Variants in MAP3K20 observed in about 807,000 individuals in gnomAD.
The protein encoded by MAP3K20 is mitogen-activated protein kinase kinase kinase 20.
MAP3K20 carries 40 observed loss-of-function variants against 85.7 expected under a neutral mutation model. The ratio of observed to expected loss-of-function variants is 0.47; its 90% confidence interval spans 0.36 to 0.61. The LOEUF (loss-of-function observed/expected upper bound fraction) is 0.61, where lower values mean the gene tolerates loss of function less well. Ranked by LOEUF, MAP3K20 falls within the 20% of genes least tolerant of loss-of-function variation. MAP3K20 has a pLI of 0.00. For missense variants in MAP3K20, 817 were observed against 961.7 expected (o/e 0.85, Z 1.99); for synonymous variants, 325 against 327.7 (o/e 0.99, Z 0.09).
intron 1 of MAP3K20, chr2:173,090,541 G>A (rs1376767267): frequency 5.9e-6 from 5 of 846,296 alleles, no homozygotes; most frequent in African/African-American, 1.8e-5. Flanking sequence ...CAGGATGCTC[G>A]GTGGCTTAGG....
intron 2 of MAP3K20, among the ~76,000 whole-genome samples, chr2:173,161,233 G>A (rs896290406): frequency 2.6e-5 from 4 of 152,246 alleles, no homozygotes; most frequent in African/African-American, 9.6e-5. Flanking sequence ...AAGTGCAGCT[G>A]TCCAAATCCT....
At chr2:173,250,346 TGTG>T (rs1403324757) in intron 16 of MAP3K20, among the ~76,000 whole-genome samples, 1 of 152,206 alleles carries the variant, frequency 6.6e-6, no homozygotes, top group African/African-American at 2.4e-5. Flanking sequence ...TCGACTGACA[TGTG>T]GTGGTTTAGT....
chr2:173,087,401 C>T (rs764332684), intron 1 of MAP3K20, among the ~76,000 whole-genome samples: 29 of 152,150 alleles, frequency 1.9e-4, no homozygotes, highest in Non-Finnish European at 3.1e-4. Context: ...GAAGTGCAGG[C>T]AGTTCCTCGT....
intron 11 of MAP3K20, chr2:173,222,353 C>A: frequency 1.0e-6 from 1 of 985,830 alleles, no homozygotes; most frequent in Non-Finnish European, 1.2e-6. Flanking sequence ...AAAGTAAAGC[C>A]TGAGCAGTGT....
At chr2:173,256,512 GATAGATAGATAGATAGA>G (rs1685164655) in intron 16 of MAP3K20, among the ~76,000 whole-genome samples, 1 of 150,494 alleles carries the variant, frequency 6.6e-6, no homozygotes, top group African/African-American at 2.5e-5. Context: ...TAGATAGATA[GATAGATAGATAGATAGA>G]TAGACAGACA....
At chr2:173,259,198 G>A (rs1238532175) in intron 17 of MAP3K20, among the ~76,000 whole-genome samples, 1 of 152,060 alleles carries the variant, frequency 6.6e-6, no homozygotes, top group African/African-American at 2.4e-5. Context: ...TCTTGGTTGA[G>A]GTCAATTTCC....
At chr2:173,210,673 T>C (rs1372410273) in intron 10 of MAP3K20, 1 of 152,218 alleles carries the variant, frequency 6.6e-6, no homozygotes, top group East Asian at 1.9e-4. Context: ...TGCATGACTA[T>C]AAATAGCATG....
intron 4 of MAP3K20, among the ~76,000 whole-genome samples, chr2:173,183,391 T>G (rs1248761379): frequency 6.6e-6 from 1 of 152,126 alleles, no homozygotes; most frequent in Non-Finnish European, 1.5e-5. Flanking sequence ...TAGAAACCAC[T>G]TGCAAAAAAA....
intron 11 of MAP3K20, chr2:173,223,211 A>G (rs1684298366): frequency 1.0e-6 from 1 of 985,330 alleles, no homozygotes; most frequent in African/African-American, 1.7e-5. Flanking sequence ...ACAGCAGTCT[A>G]GGTGGCATAG....
At position 173,083,822 on chromosome 2, in the gene MAP3K20, A is replaced by G. The variant is rs140375222; in HGVS notation, c.-34-7176A>G. On this transcript the variant is annotated intron_variant, in intron 1 of 19. Transcript: ENST00000375213. ...CAAGTTTGGCAAAATAATTTGCTGA[A>G]TATTGAAAGCTCTTTTCAAAAAGTA... 5.4e-3 allele frequency among the ~76,000 whole-genome samples: 818 copies of G among 152,340 alleles called. 5 individuals carry two copies. The highest frequency in any genetic ancestry group is 0.017 in the Middle Eastern group (5 of 294).
intron 2 of MAP3K20, among the ~76,000 whole-genome samples, chr2:173,144,497 AAGAAG>A (rs1313357576): frequency 1.9e-3 from 289 of 150,880 alleles, no homozygotes; most frequent in African/African-American, 6.6e-3. Flanking sequence ...AAAAGAAAGA[AAGAAG>A]AGAAGAGAAA....
intron 3 of MAP3K20, among the ~76,000 whole-genome samples, chr2:173,179,966 T>C (rs1355715465): frequency 2.0e-5 from 3 of 152,164 alleles, no homozygotes; most frequent in African/African-American, 7.2e-5. Context: ...CTGAGAAAAT[T>C]AAAGATCTAA....
upstream of MAP3K20, chr2:173,075,647 G>A (rs1056002833): frequency 3.6e-5 from 28 of 775,800 alleles, no homozygotes; most frequent in African/African-American, 5.0e-4. Flanking sequence ...ACACCCCCAC[G>A]GCCCTCCCCC....
intron 2 of MAP3K20, among the ~76,000 whole-genome samples, chr2:173,151,156 G>A (rs149727742): frequency 1.4e-3 from 214 of 152,172 alleles, no homozygotes; most frequent in Non-Finnish European, 2.2e-3. Context: ...ACAAGTGTTG[G>A]CAAGGGTGTA....
intron 2 of MAP3K20, among the ~76,000 whole-genome samples, chr2:173,151,610 C>T (rs13030567): frequency 0.99 from 151,095 of 152,356 alleles, 74,938 homozygotes; most frequent in Middle Eastern, 1. Flanking sequence ...TTATATGTAA[C>T]ATTATCGAAA....
chr2:173,129,259 T>C (rs1259293019), intron 2 of MAP3K20, among the ~76,000 whole-genome samples: 3 of 152,192 alleles, frequency 2.0e-5, no homozygotes, highest in Non-Finnish European at 2.9e-5. Flanking sequence ...TGTAGAAATA[T>C]GTAACACTAT....
At chr2:173,134,681 A>G (rs1688749306) in intron 2 of MAP3K20, among the ~76,000 whole-genome samples, 1 of 151,370 alleles carries the variant, frequency 6.6e-6, no homozygotes, top group South Asian at 2.1e-4. Context: ...TACTTCCTCC[A>G]TGTGGCAGCC....
intron 3 of MAP3K20, among the ~76,000 whole-genome samples, chr2:173,173,202 G>GTA (rs1296195639): frequency 6.9e-6 from 1 of 143,950 alleles, no homozygotes; most frequent in Non-Finnish European, 1.5e-5. Context: ...GTGTGTCTGT[G>GTA]TAAAACATAA....
At chr2:173,178,473 A>G (rs1009913486) in intron 3 of MAP3K20, among the ~76,000 whole-genome samples, 7 of 152,016 alleles carry the variant, frequency 4.6e-5, no homozygotes, top group African/African-American at 1.7e-4. Context: ...GCGAAACCCC[A>G]TCTCTACTAA....
Sources: gnomAD v4.1 joint callset for allele counts (sites outside exome capture counted in the v4.1 genomes callset) on GRCh38, gnomAD v4.1.1 for gene constraint, MANE v1.5 for transcripts, NCBI Gene and HGNC (gene_info 2026-07-23, HGNC 2026-07-21) for gene names.